Variants in CAMKMT observed in about 807,000 individuals in gnomAD.
The protein encoded by CAMKMT is CaM KMT.
CAMKMT carries 53 observed loss-of-function variants against 48.0 expected under a neutral mutation model. That is an observed-to-expected ratio of 1.10 (90% CI 0.89 to 1.39). The LOEUF is 1.39. Ranked by LOEUF, CAMKMT falls within the 40% of genes most tolerant of loss-of-function variation. The probability of loss-of-function intolerance (pLI) is 0.00; values close to 1 mark genes in which losing one functional copy is unlikely to be tolerated. For missense variants in CAMKMT, 428 were observed against 402.7 expected, an observed-to-expected ratio of 1.06 and a Z score of -0.54; for synonymous variants, 165 against 152.3, an observed-to-expected ratio of 1.08 and a Z score of -0.61.
intron 3 of CAMKMT, among the ~76,000 whole-genome samples, chr2:44,648,061 C>T (rs531027581): frequency 1.4e-4 from 21 of 151,540 alleles, no homozygotes; most frequent in Admixed American, 3.3e-4. Context: ...CTACACTAGG[C>T]AATTGTTAAA....
At chr2:44,525,509 C>T (rs759827081) in intron 3 of CAMKMT, among the ~76,000 whole-genome samples, 24 of 152,220 alleles carry the variant, frequency 1.6e-4, no homozygotes, top group Non-Finnish European at 2.8e-4. Context: ...CCTCCTCGGC[C>T]TCCCAAAGTG....
chr2:44,515,444 A>T (rs1670788021), intron 3 of CAMKMT, among the ~76,000 whole-genome samples: 1 of 152,192 alleles, frequency 6.6e-6, no homozygotes, highest in Admixed American at 6.5e-5. Context: ...ATATCTTAGA[A>T]CACATGGGAT....
chr2:44,414,540 T>C (rs2104488785), intron 3 of CAMKMT, among the ~76,000 whole-genome samples: 2 of 152,054 alleles, frequency 1.3e-5, no homozygotes. Context: ...TCCACTAGAG[T>C]GTAAGATCAG....
At chr2:44,699,975 A>C (rs373986206) in intron 3 of CAMKMT, among the ~76,000 whole-genome samples, 1 of 152,214 alleles carries the variant, frequency 6.6e-6, no homozygotes, top group Non-Finnish European at 1.5e-5. Context: ...GTTTGTCTGC[A>C]TTGAAAATCT....
At chr2:44,365,018 T>C (rs1430177340) in intron 1 of CAMKMT, among the ~76,000 whole-genome samples, 1 of 152,242 alleles carries the variant, frequency 6.6e-6, no homozygotes, top group East Asian at 1.9e-4. Context: ...GTGAATATTT[T>C]TCTATTACAA....
At chr2:44,650,580 GAGAA>G (rs1468078394) in intron 3 of CAMKMT, among the ~76,000 whole-genome samples, 5 of 152,184 alleles carry the variant, frequency 3.3e-5, no homozygotes, top group African/African-American at 1.2e-4. Context: ...TTCCTAGTTT[GAGAA>G]ACAATTACTT....
chr2:44,708,115 T>A (rs923731786), intron 6 of CAMKMT, among the ~76,000 whole-genome samples: 3 of 151,436 alleles, frequency 2.0e-5, no homozygotes, highest in Non-Finnish European at 4.4e-5. Flanking sequence ...AAAGCAAGCA[T>A]AAATGTAGCT....
chr2:44,602,291 A>G (rs1177042189), intron 3 of CAMKMT, among the ~76,000 whole-genome samples: 1 of 152,066 alleles, frequency 6.6e-6, no homozygotes, highest in Non-Finnish European at 1.5e-5. Flanking sequence ...CCCTGCTTTT[A>G]GAAAATTTAT....
intron 3 of CAMKMT, among the ~76,000 whole-genome samples, chr2:44,430,143 A>G (rs1684561528): frequency 6.6e-6 from 1 of 150,600 alleles, no homozygotes; most frequent in Non-Finnish European, 1.5e-5. Flanking sequence ...AAACAGTGGT[A>G]CTCTTGGTGG....
intron 2 of CAMKMT, among the ~76,000 whole-genome samples, chr2:44,384,640 C>G (rs1320218829): frequency 4.0e-5 from 6 of 151,400 alleles, no homozygotes; most frequent in Non-Finnish European, 8.8e-5. Flanking sequence ...AGTCCTCAAT[C>G]CATCCTAAGT....
chr2:44,481,853 GA>G (rs1469009205), intron 3 of CAMKMT, among the ~76,000 whole-genome samples: 3 of 151,838 alleles, frequency 2.0e-5, no homozygotes, highest in Non-Finnish European at 2.9e-5. Context: ...TACATATGGG[GA>G]AAAAATGAGA....
chr2:44,705,156 A>G (rs1011286250), intron 4 of CAMKMT, among the ~76,000 whole-genome samples: 2 of 152,094 alleles, frequency 1.3e-5, no homozygotes, highest in Admixed American at 6.5e-5. Flanking sequence ...TTTAAGCTCT[A>G]TGGGTCCATA....
At chr2:44,716,728 A>G (rs1299180594) in intron 7 of CAMKMT, among the ~76,000 whole-genome samples, 1 of 152,182 alleles carries the variant, frequency 6.6e-6, no homozygotes, top group African/African-American at 2.4e-5. Flanking sequence ...GTTTTTGGAC[A>G]TGATTTTCAA....
At chr2:44,672,496 A>G (rs1675389480) in intron 3 of CAMKMT, among the ~76,000 whole-genome samples, 1 of 152,010 alleles carries the variant, frequency 6.6e-6, no homozygotes, top group Admixed American at 6.6e-5. Flanking sequence ...TTTGTACCCC[A>G]ACTATTTGTA....
chr2:44,495,440 AG>A (rs1669709344), intron 3 of CAMKMT, among the ~76,000 whole-genome samples: 1 of 152,240 alleles, frequency 6.6e-6, no homozygotes, highest in African/African-American at 2.4e-5. Flanking sequence ...CACCGTGCAC[AG>A]CCAAGAATTG....
intron 3 of CAMKMT, among the ~76,000 whole-genome samples, chr2:44,575,591 C>A (rs553915711): frequency 6.6e-6 from 1 of 152,032 alleles, no homozygotes; most frequent in Admixed American, 6.6e-5. Context: ...TATTTGTTGC[C>A]AGGTGCATTG....
At chr2:44,685,858 C>G (rs1297703138) in intron 3 of CAMKMT, among the ~76,000 whole-genome samples, 1 of 152,128 alleles carries the variant, frequency 6.6e-6, no homozygotes, top group African/African-American at 2.4e-5. Context: ...AAGGCTTCAC[C>G]TGGCTACACA....
At chr2:44,483,456 T>C in intron 3 of CAMKMT, among the ~76,000 whole-genome samples, 1 of 152,160 alleles carries the variant, frequency 6.6e-6, no homozygotes, top group Non-Finnish European at 1.5e-5. Context: ...ATATTACACA[T>C]AGGCAGTGTA....
intron 3 of CAMKMT, among the ~76,000 whole-genome samples, chr2:44,596,371 C>A (rs1176790114): frequency 6.6e-6 from 1 of 151,926 alleles, no homozygotes; most frequent in African/African-American, 2.4e-5. Context: ...ATTGCTTAAA[C>A]CCTGGAGGCG....
Sources: allele counts gnomAD v4.1 joint callset (sites outside exome capture counted in the v4.1 genomes callset), GRCh38; gene constraint gnomAD v4.1.1; transcripts MANE v1.5; gene names NCBI Gene and HGNC (gene_info 2026-07-23, HGNC 2026-07-21).